Variants in NFKBIZ observed in about 807,000 individuals in gnomAD.
NFKBIZ encodes the protein NFKB inhibitor zeta, also known as NF-kappa-B inhibitor zeta.
Under a neutral mutation model 76.8 loss-of-function variants are expected in NFKBIZ, and 19 were observed. The ratio of observed to expected loss-of-function variants is 0.25; its 90% CI spans 0.17 to 0.36. The LOEUF (loss-of-function observed/expected upper bound fraction) is 0.36. Ranked by LOEUF, NFKBIZ falls within the 10% of genes least tolerant of loss-of-function variation. The pLI is 1.00. For missense variants in NFKBIZ, 829 were observed against 910.9 expected, an observed-to-expected ratio of 0.91 and a Z score of 1.16; for synonymous variants, 368 against 354.8, an observed-to-expected ratio of 1.04 and a Z score of -0.42.
chr3:101,845,010 G>A (rs1474549632), upstream of NFKBIZ, among the ~76,000 whole-genome samples: 1 of 152,094 alleles, frequency 6.6e-6, no homozygotes, highest in East Asian at 1.9e-4. Context: ...GCTCACGCCT[G>A]TAATCTCAGC....
chr3:101,856,827 T>C (rs1943056241), intron 9 of NFKBIZ: 1 of 392,222 alleles, frequency 2.5e-6, no homozygotes. Flanking sequence ...TTTTCTACAT[T>C]TTATGGCCAC....
In NFKBIZ at chr3:101,860,564, C is replaced by T. The variant is rs1943118192; in HGVS notation, c.*1193C>T. 6.6e-6 allele frequency: 1 copy of T among 151,898 alleles called. No individual in the cohort carries two copies. The highest frequency in any genetic ancestry group is 2.4e-5 in the African/African-American group (1 of 41,336). 9.4% of individuals were successfully genotyped at this position (151,898 alleles called of 1,614,324 possible). ...TTCTGTTGAAATTTTTGTTTTTTTA[C>T]CTTTATTGAAACAACAAAAAGTCAG... On this transcript the variant is annotated 3_prime_UTR_variant, in exon 12 of 12. Transcript: ENST00000326172.
At chr3:101,852,300 G>T in intron 2 of NFKBIZ, 76 bp downstream of exon 2, 1 of 1,511,522 alleles carries the variant, frequency 6.6e-7, no homozygotes, top group African/African-American at 1.4e-5. Context: ...TGATGACCTA[G>T]GTCCAGTCAT....
At chr3:101,851,639 A>G (rs1193582047) in intron 1 of NFKBIZ, among the ~76,000 whole-genome samples, 1 of 152,258 alleles carries the variant, frequency 6.6e-6, no homozygotes, top group Non-Finnish European at 1.5e-5. Context: ...CTAAAAGTGC[A>G]TCATTTATCA....
intron 5 of NFKBIZ, 42 bp downstream of exon 5, chr3:101,853,905 C>T: frequency 6.4e-7 from 1 of 1,568,946 alleles, no homozygotes; most frequent in Non-Finnish European, 8.7e-7. Flanking sequence ...AGGTAAGCCA[C>T]ACTTGTTGGA....
upstream of NFKBIZ, among the ~76,000 whole-genome samples, chr3:101,846,202 T>C (rs1016335551): frequency 6.6e-6 from 1 of 152,224 alleles, no homozygotes; most frequent in Admixed American, 6.5e-5. Context: ...GCGGGCATAT[T>C]GGTGCTGGCT....
chr3:101,854,568 T>C lies in NFKBIZ; in HGVS notation c.1338-10T>C. ...AGTGATTCACCCGCTTTCCTTTCCA[T>C]GTTCCCCAGGTTCCTTCATATTGCT... is the stretch of plus-strand genomic sequence containing the variant. On this transcript the variant is annotated splice_polypyrimidine_tract_variant and intron_variant, in intron 5 of 11. Transcript: ENST00000326172. 1.3e-6 allele frequency: 2 copies of C among 1,574,232 alleles called. No individual in the cohort carries two copies. The highest frequency in any genetic ancestry group is 4.5e-5 in the East Asian group (2 of 44,622).
chr3:101,839,591 A>C (rs545795140), intron 2 of NFKBIZ, among the ~76,000 whole-genome samples: 4 of 152,302 alleles, frequency 2.6e-5, no homozygotes, highest in Non-Finnish European at 5.9e-5. Context: ...TTTAAGTCAA[A>C]ATATAAAGGA....
At chr3:101,858,580 A>G (rs1429767627) in intron 11 of NFKBIZ, among the ~76,000 whole-genome samples, 1 of 152,014 alleles carries the variant, frequency 6.6e-6, no homozygotes, top group South Asian at 2.1e-4. Context: ...TTGCTTTGGT[A>G]TTTTGTGTGT....
chr3:101,838,450 A>T (rs1942750384), intron 2 of NFKBIZ, among the ~76,000 whole-genome samples: 1 of 152,262 alleles, frequency 6.6e-6, no homozygotes, highest in Non-Finnish European at 1.5e-5. Flanking sequence ...AAGGGTTGGC[A>T]GACTTTTTCT....
chr3:101,828,824 C>T (rs1048200973), intron 1 of NFKBIZ, among the ~76,000 whole-genome samples: 3 of 152,190 alleles, frequency 2.0e-5, no homozygotes, highest in African/African-American at 7.2e-5. Flanking sequence ...TAGAGATTCT[C>T]TTCATTGGGA....
intron 2 of NFKBIZ, 59 bp downstream of exon 2, chr3:101,852,283 G>C: frequency 6.3e-7 from 1 of 1,574,812 alleles, no homozygotes; most frequent in Non-Finnish European, 8.6e-7. Flanking sequence ...GTCTGTCAGG[G>C]TTATTATGAT....
At chr3:101,859,289 C>T (rs1390889665) in intron 11 of NFKBIZ, 29 bp from the exon 12 acceptor site, 1 of 1,600,166 alleles carries the variant, frequency 6.2e-7, no homozygotes, top group South Asian at 1.1e-5. Context: ...AGAAATAAAC[C>T]TCACAAATTT....
chr3:101,860,127 AG>A lies in NFKBIZ; in HGVS notation c.*757del, dbSNP rs1943111508. On this transcript the variant is annotated 3_prime_UTR_variant, in exon 12 of 12. Coordinates refer to ENST00000326172, the MANE Select transcript of NFKBIZ (RefSeq NM_031419.4). ...GCTGAAAGATATATTCGAATTGTAA[AG>A]ATGCTTTTTCTCATGCATTGAAATT... 1 of 151,890 alleles carries A rather than the reference AG, an allele frequency of 6.6e-6. No individual in the cohort carries two copies. The highest frequency in any genetic ancestry group is 2.4e-5 in the African/African-American group (1 of 41,368). The allele number at this position is 151,890 out of a possible 1,614,324, so 9.4% of individuals were successfully genotyped here.
Position 101,855,908 on chromosome 3 carries a change from T to G in NFKBIZ, c.1824+6T>G, listed in dbSNP as rs769408058. The G allele has an allele frequency of 4.4e-6, 7 of 1,599,632 alleles. No homozygotes were observed. In the East Asian group the frequency reaches 1.3e-4, roughly 31 times the overall value. ...GAGCAGCGGTGGAAGCGAAGGTAAA[T>G]TCACAGAAAAGGTTTAAGATGGGGT... On this transcript the variant is annotated splice_donor_region_variant and intron_variant, in intron 9 of 11. Coordinates refer to ENST00000326172, the MANE Select transcript of NFKBIZ (RefSeq NM_031419.4).
chr3:101,857,185 T>TTCTTTTAGAAAGCTTTAATAACC lies in NFKBIZ; in HGVS notation c.1935+2_1935+3insTCTTTTAGAAAGCTTTAATAACC. On this transcript the variant is annotated splice_region_variant and intron_variant, in intron 10 of 11. Coordinates refer to ENST00000326172, the MANE Select transcript of NFKBIZ (RefSeq NM_031419.4). Reference sequence around the variant, plus strand: ...TGCCTGTCTTTTGTGAATGCAAAGGTACACCAGAGTTGGAATGGCCTTCTG... The same window carrying TTCTTTTAGAAAGCTTTAATAACC: ...TGCCTGTCTTTTGTGAATGCAAAGGTTCTTTTAGAAAGCTTTAATAACCACACCAGAGTTGGAATGGCCTTCTG... The TTCTTTTAGAAAGCTTTAATAACC allele has an allele frequency of 6.2e-7, 1 of 1,612,174 alleles. No individual in the cohort carries two copies. The highest frequency in any genetic ancestry group is 8.5e-7 in the Non-Finnish European group (1 of 1,178,544).
At chr3:101,837,181 C>G (rs1357904482) in intron 2 of NFKBIZ, among the ~76,000 whole-genome samples, 1 of 151,984 alleles carries the variant, frequency 6.6e-6, no homozygotes, top group Non-Finnish European at 1.5e-5. Flanking sequence ...AAACCAAGTC[C>G]ACTCTCTTTC....
chr3:101,860,180 CTT>C lies in NFKBIZ; in HGVS notation c.*822_*823del, dbSNP rs111417052. ...TACATTATTTGTAGGGAATTGCATG[CTT>C]TTTTTTTTTTTTCTCCCGAGACAGG... On this transcript the variant is annotated 3_prime_UTR_variant, in exon 12 of 12. Transcript: ENST00000326172. The C allele has an allele frequency of 3.5e-5, 5 of 142,824 alleles. No individual in the cohort carries two copies. The highest frequency in any genetic ancestry group is 5.1e-5 in the African/African-American group (2 of 39,072). 8.8% of individuals were successfully genotyped at this position (142,824 alleles called of 1,614,324 possible). A position where few individuals can be genotyped will look rare whatever the true frequency, so the allele number is the denominator to read the frequency against.
At position 101,849,527 on chromosome 3, in the gene NFKBIZ, C is replaced by G. The variant is rs2107411017; in HGVS notation, c.-102C>G. On this transcript the variant is annotated 5_prime_UTR_variant, in exon 1 of 12. Transcript: ENST00000326172. Reference sequence around the variant, plus strand: ...CGCGCCGCGCCCGTACTGGCCCGCGCCGTCCGCCCGCCGACAGCTCCCTGA... The same window carrying G: ...CGCGCCGCGCCCGTACTGGCCCGCGGCGTCCGCCCGCCGACAGCTCCCTGA... The G allele has an allele frequency of 9.3e-7, 1 of 1,069,982 alleles. No individual in the cohort carries two copies. The highest frequency in any genetic ancestry group is 1.2e-6 in the Non-Finnish European group (1 of 828,986). 66.3% of individuals were successfully genotyped at this position (1,069,982 alleles called of 1,614,324 possible). A position where few individuals can be genotyped will look rare whatever the true frequency, so the allele number is the denominator to read the frequency against.
Sources: gnomAD v4.1 joint callset for allele counts (sites outside exome capture counted in the v4.1 genomes callset) on GRCh38, gnomAD v4.1.1 for gene constraint, MANE v1.5 for transcripts, NCBI Gene and HGNC (gene_info 2026-07-23, HGNC 2026-07-21) for gene names.